PDIA6: variants seen among roughly 807,000 people sequenced by gnomAD.
PDIA6 encodes protein disulfide-isomerase A6.
PDIA6 carries 29 observed loss-of-function variants against 58.4 expected under a neutral mutation model. The observed-to-expected ratio is 0.50, with a 90% CI of 0.37 to 0.68. The LOEUF is 0.68. Among genes scored for constraint, PDIA6 ranks in the 30% least tolerant of loss-of-function variants. The pLI is 0.00. For missense variants in PDIA6, 480 were observed against 551.0 expected, an observed-to-expected ratio of 0.87 and a Z score of 1.29; for synonymous variants, 192 against 202.6, an observed-to-expected ratio of 0.95 and a Z score of 0.44.
chr2:10,787,382 T>C lies in PDIA6; in HGVS notation c.1056A>G (p.Gly352=), dbSNP rs1265719529. ...QSELETALGI[G]GFGYPAMAAI... Reference sequence around the variant, plus strand: ...CGGCCATGGCGGGGTACCCAAACCCTCCAATCCCCAACGCGGTCTCAAGTT... The same window carrying C: ...CGGCCATGGCGGGGTACCCAAACCCCCCAATCCCCAACGCGGTCTCAAGTT... Residue 352 remains glycine, a synonymous_variant, in exon 11 of 13, where the codon GGA becomes GGG. Transcript: ENST00000272227. 1.9e-6 allele frequency: 3 copies of C among 1,614,116 alleles called. No homozygotes were observed. The highest frequency in any genetic ancestry group is 8.5e-7 in the Non-Finnish European group (1 of 1,179,988).
chr2:10,806,207 A>G (rs188417524), intron 1 of PDIA6, among the ~76,000 whole-genome samples: 13 of 151,418 alleles, frequency 8.6e-5, no homozygotes, highest in Non-Finnish European at 1.9e-4. Flanking sequence ...CTCTCTAAAA[A>G]AAGTACAAAA....
upstream of PDIA6, among the ~76,000 whole-genome samples, chr2:10,836,291 A>T (rs1209762227): frequency 6.6e-6 from 1 of 152,146 alleles, no homozygotes; most frequent in Non-Finnish European, 1.5e-5. Context: ...TGCTGCAGAC[A>T]CTGGCAACGT....
intron 1 of PDIA6, among the ~76,000 whole-genome samples, chr2:10,830,400 T>C (rs1667676762): frequency 1.3e-5 from 2 of 152,266 alleles, no homozygotes; most frequent in South Asian, 2.1e-4. Flanking sequence ...TGCCTGGTTC[T>C]GGCCAGAGGG....
intron 1 of PDIA6, among the ~76,000 whole-genome samples, chr2:10,826,110 T>G (rs1209703825): frequency 6.6e-6 from 1 of 152,230 alleles, no homozygotes; most frequent in African/African-American, 2.4e-5. Flanking sequence ...AAAAGTGCCA[T>G]GCTATACAAC....
chr2:10,785,285 A>C (rs1326275763), intron 11 of PDIA6, among the ~76,000 whole-genome samples: 1 of 152,234 alleles, frequency 6.6e-6, no homozygotes, highest in Non-Finnish European at 1.5e-5. Context: ...GTAAGCTTTT[A>C]AAAATAGCAG....
rs58826673 is a variant in PDIA6, at chr2:10,806,458, T to TAA, written c.20-3820_20-3819dup. On this transcript the variant is annotated intron_variant, in intron 1 of 12. Transcript: ENST00000272227. ...AGTGTTTTTACAAGAGCCAAAAAGT[T>TAA]AAAAAAAAAAAATTAAGTTTAGAAA... 3.3e-3 allele frequency among the ~76,000 whole-genome samples: 472 copies of TAA among 142,016 alleles called. 2 individuals are homozygous for TAA. The highest frequency in any genetic ancestry group is 7.8e-3 in the African/African-American group (303 of 39,088). The allele number at this position is 142,016 out of a possible 152,430, so 93.2% of individuals were successfully genotyped here. A position where few individuals can be genotyped will look rare whatever the true frequency, so the allele number is the denominator to read the frequency against.
chr2:10,797,201 C>A lies in PDIA6; in HGVS notation c.226G>T (p.Val76Phe). ...KKAATALKDVVKVGAVDADKH... is the reference protein window; with the variant it reads ...KKAATALKDVFKVGAVDADKH... ...TCTGCATCAACTGCACCAACTTTGA[C>A]AACATCCTGTGGAAATGTAAAAGAA... The change falls in exon 4 of 13, where the codon GTC becomes TTC. Residue 76 changes from valine (V) to phenylalanine (F), a missense_variant. Physicochemically the swap from Val to Phe is conservative, Grantham distance 50 (BLOSUM62 -1). Coordinates refer to ENST00000272227, the MANE Select transcript of PDIA6 (RefSeq NM_005742.4). 6.2e-7 allele frequency: 1 copy of A among 1,608,480 alleles called. No individual in the cohort carries two copies.
intron 2 of PDIA6, among the ~76,000 whole-genome samples, chr2:10,800,860 C>T (rs375182263): frequency 3.3e-5 from 5 of 152,154 alleles, no homozygotes; most frequent in African/African-American, 7.2e-5. Context: ...ATTTACCCAC[C>T]GTGGTCTCCC....
upstream of PDIA6, among the ~76,000 whole-genome samples, chr2:10,833,050 G>A (rs902880410): frequency 6.6e-6 from 1 of 152,034 alleles, no homozygotes; most frequent in Non-Finnish European, 1.5e-5. Flanking sequence ...TGATATTGGG[G>A]CATGGAGAAA....
rs1289288207 is a variant in PDIA6 at position 10,797,772 on chromosome 2, C to T, written c.162-15G>A. The T allele has an allele frequency of 1.9e-6, 3 of 1,589,470 alleles. No individual in the cohort carries two copies. The South Asian group carries it at 3.4e-5, about 18-fold the overall frequency. On this transcript the variant is annotated splice_polypyrimidine_tract_variant and intron_variant, in intron 2 of 12. Transcript: ENST00000272227. ...AGTGACCACACCTTTTGGGGGAAGACAACACAAAGCAACCATTAAAGCCTT... is the reference window on the plus strand; with the variant it reads ...AGTGACCACACCTTTTGGGGGAAGATAACACAAAGCAACCATTAAAGCCTT...
chr2:10,784,764 C>G (rs902342975), intron 12 of PDIA6, 170 bp downstream of exon 12: 1 of 580,436 alleles, frequency 1.7e-6, no homozygotes, highest in Admixed American at 3.3e-5. Context: ...AGCACTTAAA[C>G]TTGTGATAAG....
Position 10,806,622 on chromosome 2 carries a change from T to TAAAGAGAAAGAAAG in PDIA6, c.20-3983_20-3982insCTTTCTTTCTCTTT, listed in dbSNP as rs1207473085. 8.8e-4 allele frequency among the ~76,000 whole-genome samples: 43 copies of TAAAGAGAAAGAAAG among 48,702 alleles called. 3 individuals carry two copies. Among genetic ancestry groups the TAAAGAGAAAGAAAG allele is most frequent in the Non-Finnish European group, 1.6e-3 (24 of 14,748 alleles). The allele number at this position is 48,702 out of a possible 152,430, so 32.0% of individuals were successfully genotyped here. A position where few individuals can be genotyped will look rare whatever the true frequency, so the allele number is the denominator to read the frequency against. On this transcript the variant is annotated intron_variant, in intron 1 of 12. Coordinates refer to ENST00000272227, the MANE Select transcript of PDIA6 (RefSeq NM_005742.4). ...TAGCAAAACCACATCTCCTAAAAAATAAAGACAGAAAGAAAGAAAGAAAGA... is the reference window on the plus strand; with the variant it reads ...TAGCAAAACCACATCTCCTAAAAAATAAAGAGAAAGAAAGAAAGACAGAAAGAAAGAAAGAAAGA...
upstream of PDIA6, among the ~76,000 whole-genome samples, chr2:10,833,449 G>T (rs986931791): frequency 1.3e-5 from 2 of 152,170 alleles, no homozygotes; most frequent in African/African-American, 4.8e-5. Flanking sequence ...GGGGTTTTCA[G>T]TCCATCACCA....
intron 1 of PDIA6, among the ~76,000 whole-genome samples, chr2:10,827,064 C>CTGAT (rs1209613088): frequency 3.9e-5 from 6 of 152,100 alleles, no homozygotes. Flanking sequence ...TCATATGTGT[C>CTGAT]TGATTGATTG....
intron 1 of PDIA6, among the ~76,000 whole-genome samples, chr2:10,828,809 T>TGGCCCC (rs1441948768): frequency 6.6e-6 from 1 of 152,226 alleles, no homozygotes; most frequent in East Asian, 1.9e-4. Flanking sequence ...CCCCTGGCTC[T>TGGCCCC]GGCCCCCGGG....
At chr2:10,816,521 G>A (rs1333784430), upstream of PDIA6, among the ~76,000 whole-genome samples, 1 of 116,858 alleles carries the variant, frequency 8.6e-6, no homozygotes, top group African/African-American at 3.7e-5. Flanking sequence ...CCCTTTTTGT[G>A]CTTTCTTTTT....
chr2:10,816,834 G>C (rs1176920992), upstream of PDIA6, among the ~76,000 whole-genome samples: 3 of 152,192 alleles, frequency 2.0e-5, no homozygotes, highest in Non-Finnish European at 4.4e-5. Flanking sequence ...TGGGGGCGGA[G>C]GGTGGAGGCG....
In PDIA6 at chr2:10,797,207, C is replaced by A. The variant is rs756552782; in HGVS notation, c.220G>T (p.Asp74Tyr). Residue 74 changes from aspartate to tyrosine, a missense_variant and splice_region_variant, in exon 4 of 13, where the codon GAT becomes TAT. Coordinates refer to ENST00000272227, the MANE Select transcript of PDIA6 (RefSeq NM_005742.4). ...EWKKAATALK[D>Y]VVKVGAVDAD... ...TCAACTGCACCAACTTTGACAACATCCTGTGGAAATGTAAAAGAAATAACA... is the reference window on the plus strand; with the variant it reads ...TCAACTGCACCAACTTTGACAACATACTGTGGAAATGTAAAAGAAATAACA... The A allele has an allele frequency of 3.1e-6, 5 of 1,604,764 alleles. No homozygotes were observed. Among genetic ancestry groups the A allele is most frequent in the African/African-American group, 1.3e-5 (1 of 74,438 alleles).
At chr2:10,822,641 G>C (rs1278732407) in intron 1 of PDIA6, among the ~76,000 whole-genome samples, 1 of 152,216 alleles carries the variant, frequency 6.6e-6, no homozygotes, top group African/African-American at 2.4e-5. Context: ...TGATAAGGAG[G>C]CACTTAGTAG....
Sources: gnomAD v4.1 joint callset for allele counts (sites outside exome capture counted in the v4.1 genomes callset) on GRCh38, gnomAD v4.1.1 for gene constraint, MANE v1.5 for transcripts, NCBI Gene and HGNC (gene_info 2026-07-23, HGNC 2026-07-21) for gene names.